Variants in SLC5A2 observed in about 807,000 individuals in gnomAD.
SLC5A2 encodes the protein sodium/glucose cotransporter 2.
A neutral mutation model predicts 69.0 loss-of-function variants in SLC5A2; 67 were observed. The ratio of observed to expected loss-of-function variants is 0.97; its 90% CI spans 0.80 to 1.19. SLC5A2 has a LOEUF of 1.19. SLC5A2 is among the 50% of genes most tolerant of loss of function. The probability of loss-of-function intolerance (pLI) is 0.00; values close to 1 mark genes in which losing one functional copy is unlikely to be tolerated. For synonymous variants in SLC5A2, 455 were observed against 395.8 expected (o/e 1.15, Z -1.78); for missense variants, 1,001 against 921.5 (o/e 1.09, Z -1.12).
chr16:31,485,808 A>G lies in SLC5A2; in HGVS notation c.383A>G (p.Tyr128Cys), dbSNP rs1358027252. 1.2e-6 allele frequency: 2 copies of G among 1,613,578 alleles called. No individual in the cohort carries two copies. Among genetic ancestry groups the G allele is most frequent in the South Asian group, 2.2e-5 (2 of 91,090 alleles). ...GCGGGGGTCATCACGATGCCACAGT[A>G]CCTGCGCAAGCGCTTCGGCGGCCGC... Reference protein sequence around the residue: ...LTAGVITMPQYLRKRFGGRRI... With the variant: ...LTAGVITMPQCLRKRFGGRRI... The change falls in exon 4 of 14, where the codon TAC becomes TGC. Residue 128 changes from tyrosine (Y) to cysteine (C), a missense_variant. Coordinates refer to ENST00000330498, the MANE Select transcript of SLC5A2 (RefSeq NM_003041.4).
rs2082558722 is a variant in SLC5A2 at position 31,490,658 on chromosome 16, G to C, written c.*123G>C. The C allele has an allele frequency of 4.5e-6, 5 of 1,106,938 alleles. No individual in the cohort carries two copies. Among genetic ancestry groups the C allele is most frequent in the Non-Finnish European group, 6.7e-6 (5 of 745,886 alleles). 68.6% of individuals were successfully genotyped at this position (1,106,938 alleles called of 1,614,324 possible). A position where few individuals can be genotyped will look rare whatever the true frequency, so the allele number is the denominator to read the frequency against. On this transcript the variant is annotated 3_prime_UTR_variant, in exon 14 of 14. Coordinates refer to ENST00000330498, the MANE Select transcript of SLC5A2 (RefSeq NM_003041.4). ...AGAAGGTCCTGGCTCCCCTTCTCCC[G>C]GCCTTCCTCTGCCTGGGGCCCACTG...
In SLC5A2 at chr16:31,485,354, A is replaced by G. The variant is rs1005268347; in HGVS notation, c.304-375A>G. Reference sequence around the variant, plus strand: ...CTGTTGGAGGGGAGATTGGGCTTTGAGCTCAGGGCTTCCTGGAGGAGGAGA... The same window carrying G: ...CTGTTGGAGGGGAGATTGGGCTTTGGGCTCAGGGCTTCCTGGAGGAGGAGA... On this transcript the variant is annotated intron_variant, in intron 3 of 13. Transcript: ENST00000330498. 5.8e-5 allele frequency: 26 copies of G among 445,688 alleles called. No homozygotes were observed. The East Asian group carries it at 7.5e-4, about 13-fold the overall frequency. 27.6% of individuals were successfully genotyped at this position (445,688 alleles called of 1,614,324 possible). A position where few individuals can be genotyped will look rare whatever the true frequency, so the allele number is the denominator to read the frequency against.
chr16:31,487,042 C>A (rs1428958439), intron 5 of SLC5A2, among the ~76,000 whole-genome samples: 1 of 119,232 alleles, frequency 8.4e-6, no homozygotes, highest in Non-Finnish European at 2.0e-5. Context: ...AAGACTCCAT[C>A]TCAAAAACAA....
At position 31,490,583 on chromosome 16, in the gene SLC5A2, G is replaced by C; in HGVS notation, c.*48G>C. The C allele has an allele frequency of 6.7e-7, 1 of 1,483,730 alleles. No homozygotes were observed. Among genetic ancestry groups the C allele is most frequent in the Non-Finnish European group, 9.3e-7 (1 of 1,074,942 alleles). The allele number at this position is 1,483,730 out of a possible 1,614,324, so 91.9% of individuals were successfully genotyped here. On this transcript the variant is annotated 3_prime_UTR_variant, in exon 14 of 14. Transcript: ENST00000330498. ...AAGCCACAGCCTCACAGGAAGTGGG[G>C]GTGAGGAGCCTGCGGTGCTCCCCAG...
At position 31,490,111 on chromosome 16, in the gene SLC5A2, G is replaced by A. The variant is rs369673274; in HGVS notation, c.1673G>A (p.Arg558His). The change falls in exon 13 of 14, where the codon CGC (arginine) becomes CAC (histidine). Residue 558 changes from arginine (R) to histidine (H), a missense_variant. Arg to His is a conservative substitution (Grantham distance 29). Coordinates refer to ENST00000330498, the MANE Select transcript of SLC5A2 (RefSeq NM_003041.4). ...TAPIPRKHLH[R>H]LVFSLRHSKE... ...TGCTCCCACCCTCCCCAGCTCCACC[G>A]CCTGGTCTTCAGTCTCCGGCATAGC... 6.2e-6 allele frequency: 10 copies of A among 1,613,662 alleles called. No individual in the cohort carries two copies. In the African/African-American group the frequency reaches 9.3e-5, roughly 15 times the overall value.
chr16:31,488,427 G>A lies in SLC5A2; in HGVS notation c.1066G>A (p.Gly356Ser), dbSNP rs1468032457. Reference sequence around the variant, plus strand: ...GCCTGAGGTGTGCAGGCGCGTGTGCGGCACGGAGGTGGGCTGCTCCAACAT... The same window carrying A: ...GCCTGAGGTGTGCAGGCGCGTGTGCAGCACGGAGGTGGGCTGCTCCAACAT... The part of the protein sequence containing the change: ...VVPEVCRRVC[G>S]TEVGCSNIAY... Residue 356 changes from glycine (G) to serine (S), a missense_variant, in exon 9 of 14, where the codon GGC becomes AGC. By Grantham distance (56) the Gly-to-Ser change is moderately conservative (BLOSUM62 0). Coordinates refer to ENST00000330498, the MANE Select transcript of SLC5A2 (RefSeq NM_003041.4). 2 of 1,611,792 alleles carry A rather than the reference G, an allele frequency of 1.2e-6. No homozygotes were observed. Among genetic ancestry groups the A allele is most frequent in the East Asian group, 2.2e-5 (1 of 44,828 alleles).
Position 31,490,404 on chromosome 16 carries a change from CAGG to C in SLC5A2, c.1895_1897del (p.Glu632del), listed in dbSNP as rs771257793. 22 of 1,613,546 alleles carry C rather than the reference CAGG, an allele frequency of 1.4e-5. No individual in the cohort carries two copies. The East Asian group carries it at 4.2e-4, about 31-fold the overall frequency. On this transcript the variant is annotated inframe_deletion, in exon 14 of 14. Transcript: ENST00000330498. ...GGTGGGCAGTCCTCCGCCCCTTACC[CAGG>C]AGGAGGCAGCGGCAGCAGCCAGGCG... is the stretch of plus-strand genomic sequence containing the variant.
intron 7 of SLC5A2, 63 bp downstream of exon 7, chr16:31,487,822 GTCCC>G (rs1188747870): frequency 6.7e-7 from 1 of 1,503,586 alleles, no homozygotes; most frequent in African/African-American, 1.4e-5. Context: ...CGGAGCCTGA[GTCCC>G]TCCCCGCCTT....
At chr16:31,484,578 T>A in intron 1 of SLC5A2, 95 bp from the exon 2 acceptor site, 1 of 1,375,618 alleles carries the variant, frequency 7.3e-7, no homozygotes, top group Non-Finnish European at 1.0e-6. Context: ...CTCGTTAATC[T>A]TCAGCCAGAA....
rs1266001483 is a variant in SLC5A2 at position 31,485,907 on chromosome 16, G to T, written c.468+14G>T. On this transcript the variant is annotated intron_variant, in intron 4 of 13. Coordinates refer to ENST00000330498, the MANE Select transcript of SLC5A2 (RefSeq NM_003041.4). ...ACCAAGATCTCAGTGAGTGCCTGTGGCAGATGCGATTGGGCCCTAGAAGGG... is the reference window on the plus strand; with the variant it reads ...ACCAAGATCTCAGTGAGTGCCTGTGTCAGATGCGATTGGGCCCTAGAAGGG... The T allele has an allele frequency of 6.2e-7, 1 of 1,613,312 alleles. No individual in the cohort carries two copies. Among genetic ancestry groups the T allele is most frequent in the East Asian group, 2.2e-5 (1 of 44,874 alleles).
intron 1 of SLC5A2, 69 bp downstream of exon 1, chr16:31,483,331 G>C: frequency 6.3e-7 from 1 of 1,588,620 alleles, no homozygotes; most frequent in South Asian, 1.1e-5. Flanking sequence ...GTCTCAGGGG[G>C]ACCCTAGGTG....
intron 11 of SLC5A2, 35 bp from the exon 12 acceptor site, chr16:31,489,088 C>T (rs973824994): frequency 3.7e-6 from 6 of 1,603,810 alleles, no homozygotes; most frequent in African/African-American, 2.7e-5. Context: ...GCTGGGCTTG[C>T]ACATCCTCAG....
rs1309541386 is a variant in SLC5A2 at position 31,490,733 on chromosome 16, T to C, written c.*198T>C. The C allele has an allele frequency of 2.9e-6, 4 of 1,364,188 alleles. No homozygotes were observed. The highest frequency in any genetic ancestry group is 2.3e-5 in the East Asian group (1 of 43,388). 84.5% of individuals were successfully genotyped at this position (1,364,188 alleles called of 1,614,324 possible). ...TGAGGGCCTGGCCCACCCGCTGCAG[T>C]TGCCCTAAGGAAAAATAAAGCTGCC... is the stretch of plus-strand genomic sequence containing the variant. On this transcript the variant is annotated 3_prime_UTR_variant, in exon 14 of 14. Coordinates refer to ENST00000330498, the MANE Select transcript of SLC5A2 (RefSeq NM_003041.4).
rs1336024281 is a variant in SLC5A2 at position 31,490,403 on chromosome 16, C to T, written c.1887C>T (p.Thr629=). 1.1e-5 allele frequency: 17 copies of T among 1,613,530 alleles called. No individual in the cohort carries two copies. The highest frequency in any genetic ancestry group is 6.6e-5 in the South Asian group (6 of 90,952). The part of the protein sequence containing the change: ...RGGVGSPPPL[T]QEEAAAAARR... ...GGGTGGGCAGTCCTCCGCCCCTTAC[C>T]CAGGAGGAGGCAGCGGCAGCAGCCA... The change falls in exon 14 of 14, where the codon ACC becomes ACT. Residue 629 remains threonine, a synonymous_variant. Transcript: ENST00000330498.
chr16:31,486,391 G>T (rs2082496035), intron 5 of SLC5A2, 116 bp downstream of exon 5: 1 of 747,732 alleles, frequency 1.3e-6, no homozygotes, highest in East Asian at 2.6e-5. Context: ...GGGTGGTGTG[G>T]TCCAAGCAGG....
At position 31,488,895 on chromosome 16, in the gene SLC5A2, C is replaced by G. The variant is rs1252070853; in HGVS notation, c.1296C>G (p.Phe432Leu). The G allele has an allele frequency of 1.9e-6, 3 of 1,605,438 alleles. No individual in the cohort carries two copies. Among genetic ancestry groups the G allele is most frequent in the Admixed American group, 1.7e-5 (1 of 60,006 alleles). The change falls in exon 11 of 14, where the codon TTC becomes TTG. Residue 432 changes from phenylalanine (F) to leucine (L), a missense_variant. Physicochemically the swap from Phe to Leu is conservative, Grantham distance 22. Coordinates refer to ENST00000330498, the MANE Select transcript of SLC5A2 (RefSeq NM_003041.4). ...TCCGCCGCAGGCTCTGGGTGGTGTT[C>G]ATCGTGGTAGTGTCGGTGGCCTGGC... ...LLLVGRLWVVFIVVVSVAWLP... is the reference protein window; with the variant it reads ...LLLVGRLWVVLIVVVSVAWLP...
Position 31,484,657 on chromosome 16 carries a change from C to G in SLC5A2, c.127-16C>G, listed in dbSNP as rs398122801. On this transcript the variant is annotated splice_polypyrimidine_tract_variant and intron_variant, in intron 1 of 13. Transcript: ENST00000330498. ...CTGTGCCCTAAACCCAGGTCTCCCC[C>G]GCCTCTGTCTCCCAGTCCATGTGCA... The G allele has an allele frequency of 1.9e-6, 3 of 1,604,906 alleles. No individual in the cohort carries two copies. The highest frequency in any genetic ancestry group is 1.7e-4 in the Middle Eastern group (1 of 6,002).
rs2082493226 is a variant in SLC5A2, at chr16:31,486,093, G to GTA, written c.469-76_469-75dup. ...AAAATGGAGGGAAGCTTTGAGGCTA[G>GTA]TAGGGCATGGCCTGGGCAGGAGGTG... On this transcript the variant is annotated intron_variant, in intron 4 of 13. Transcript: ENST00000330498. 7.9e-6 allele frequency: 10 copies of GTA among 1,270,500 alleles called. 2 individuals are homozygous for GTA. In the South Asian group the frequency reaches 1.1e-4, roughly 14 times the overall value. The allele number at this position is 1,270,500 out of a possible 1,614,324, so 78.7% of individuals were successfully genotyped here. A position where few individuals can be genotyped will look rare whatever the true frequency, so the allele number is the denominator to read the frequency against.
chr16:31,489,557 G>A (rs2082541160), intron 12 of SLC5A2: 2 of 605,256 alleles, frequency 3.3e-6, no homozygotes, highest in Non-Finnish European at 3.0e-6. Flanking sequence ...GGTGATTAAA[G>A]CCTCCCAAAG....
Sources: gnomAD v4.1 joint callset for allele counts (sites outside exome capture counted in the v4.1 genomes callset) on GRCh38, gnomAD v4.1.1 for gene constraint, MANE v1.5 for transcripts, NCBI Gene and HGNC (gene_info 2026-07-23, HGNC 2026-07-21) for gene names.